RBPJ: variants seen among roughly 807,000 people sequenced by gnomAD.
RBPJ encodes recombination signal binding protein for immunoglobulin kappa J region, also known as recombining binding protein suppressor of hairless.
A neutral mutation model predicts 67.8 loss-of-function variants in RBPJ; 9 were observed. The ratio of observed to expected loss-of-function variants is 0.13; its 90% CI spans 0.08 to 0.23. RBPJ has a LOEUF of 0.23. Among genes scored for constraint, RBPJ ranks in the 10% least tolerant of loss-of-function variants. The pLI is 1.00. For synonymous variants in RBPJ, 198 were observed against 203.3 expected (o/e 0.97, Z 0.22); for missense variants, 305 against 595.6 (o/e 0.51, Z 5.08).
At chr4:26,419,259 A>G (rs1448262877) in intron 4 of RBPJ, among the ~76,000 whole-genome samples, 2 of 152,212 alleles carry the variant, frequency 1.3e-5, no homozygotes, top group South Asian at 2.1e-4. Context: ...GATTACAGGC[A>G]TGAGCCACCA....
At chr4:26,392,648 T>A (rs1053859956) in intron 2 of RBPJ, among the ~76,000 whole-genome samples, 3 of 152,200 alleles carry the variant, frequency 2.0e-5, no homozygotes, top group African/African-American at 7.2e-5. Flanking sequence ...AGATCAGTGG[T>A]TTCCTGGGGA....
intron 1 of RBPJ, among the ~76,000 whole-genome samples, chr4:26,359,278 C>T (rs912652171): frequency 1.4e-4 from 22 of 151,926 alleles, no homozygotes; most frequent in Admixed American, 1.3e-3. Flanking sequence ...AACATATTAC[C>T]ATGTTATTTC....
chr4:26,221,775 G>A (rs1271954177), intron 1 of RBPJ, among the ~76,000 whole-genome samples: 4 of 152,148 alleles, frequency 2.6e-5, no homozygotes, highest in Non-Finnish European at 5.9e-5. Context: ...ACAATAATCC[G>A]TTGTACATTT....
At chr4:26,223,723 C>T (rs1317779126) in intron 1 of RBPJ, among the ~76,000 whole-genome samples, 1 of 152,192 alleles carries the variant, frequency 6.6e-6, no homozygotes, top group Non-Finnish European at 1.5e-5. Flanking sequence ...AGGTGAGTGA[C>T]AGAAGCACAG....
At chr4:26,305,477 A>C (rs1722202971) in intron 1 of RBPJ, among the ~76,000 whole-genome samples, 1 of 152,162 alleles carries the variant, frequency 6.6e-6, no homozygotes, top group African/African-American at 2.4e-5. Flanking sequence ...CCATTTATTT[A>C]GATCCTTTAA....
intron 1 of RBPJ, among the ~76,000 whole-genome samples, chr4:26,196,191 G>A (rs956564898): frequency 6.6e-6 from 1 of 152,188 alleles, no homozygotes; most frequent in Non-Finnish European, 1.5e-5. Flanking sequence ...ATGTCCATCA[G>A]CTGGTGTATG....
At chr4:26,196,176 C>A (rs1717755062) in intron 1 of RBPJ, among the ~76,000 whole-genome samples, 1 of 152,066 alleles carries the variant, frequency 6.6e-6, no homozygotes, top group Admixed American at 6.6e-5. Flanking sequence ...GTAGAGGGAG[C>A]CCAAATGTCC....
At chr4:26,164,406 G>A (rs1038911757) in intron 1 of RBPJ, among the ~76,000 whole-genome samples, 7 of 152,136 alleles carry the variant, frequency 4.6e-5, no homozygotes, top group African/African-American at 1.7e-4. Flanking sequence ...AACAATACAA[G>A]TGGTTTCTGA....
chr4:26,214,851 G>C (rs1430443820), intron 1 of RBPJ, among the ~76,000 whole-genome samples: 3 of 129,614 alleles, frequency 2.3e-5, no homozygotes, highest in Non-Finnish European at 3.2e-5. Flanking sequence ...AGGGAGGGAG[G>C]GAGAGAGGAA....
intron 1 of RBPJ, among the ~76,000 whole-genome samples, chr4:26,365,035 A>G (rs1354554581): frequency 6.6e-6 from 1 of 151,676 alleles, no homozygotes; most frequent in Non-Finnish European, 1.5e-5. Flanking sequence ...GACTTGAAGA[A>G]ACCCATAAAT....
the RBPJ span, among the ~76,000 whole-genome samples, chr4:26,126,629 G>A: frequency 6.6e-6 from 1 of 152,200 alleles, no homozygotes; most frequent in African/African-American, 2.4e-5. Context: ...TTGTTCTGCA[G>A]CCTTTCTTTG....
At chr4:26,323,844 A>G (rs548500827) in intron 1 of RBPJ, among the ~76,000 whole-genome samples, 43 of 152,310 alleles carry the variant, frequency 2.8e-4, no homozygotes, top group African/African-American at 1.0e-3. Flanking sequence ...GTTTCGTTTG[A>G]AAGTTATTAT....
intron 3 of RBPJ, among the ~76,000 whole-genome samples, chr4:26,412,556 T>A (rs1734143600): frequency 6.6e-6 from 1 of 152,152 alleles, no homozygotes; most frequent in South Asian, 2.1e-4. Context: ...TTTGGGATGT[T>A]CAACCACTAA....
intron 1 of RBPJ, among the ~76,000 whole-genome samples, chr4:26,334,323 T>A (rs969679497): frequency 6.6e-6 from 1 of 152,128 alleles, no homozygotes; most frequent in African/African-American, 2.4e-5. Flanking sequence ...ATTACAGGAA[T>A]GAGTCACCAT....
At chr4:26,167,748 A>C (rs1332256056) in intron 1 of RBPJ, among the ~76,000 whole-genome samples, 2 of 144,412 alleles carry the variant, frequency 1.4e-5, no homozygotes, top group Admixed American at 1.4e-4. Context: ...AACTTCCAAC[A>C]CTATGTTGAA....
chr4:26,403,106 A>G (rs1231233631), intron 2 of RBPJ, among the ~76,000 whole-genome samples: 1 of 152,158 alleles, frequency 6.6e-6, no homozygotes, highest in Non-Finnish European at 1.5e-5. Flanking sequence ...ATTTTTAAAA[A>G]ACCTTAATGA....
chr4:26,242,290 A>C (rs1395659582), intron 1 of RBPJ, among the ~76,000 whole-genome samples: 4 of 152,050 alleles, frequency 2.6e-5, no homozygotes, highest in African/African-American at 9.7e-5. Context: ...TACTAAAAAT[A>C]CAAACAAATT....
In RBPJ at chr4:26,424,535, G is replaced by T. The variant is rs1455037834; in HGVS notation, c.634+56G>T. On this transcript the variant is annotated intron_variant, in intron 6 of 10. Transcript: ENST00000355476. The surrounding 1 kb of genome is among the most constrained non-coding windows in gnomAD (Gnocchi z 5.3). ...TAGTGTGAAATTGTTAAAATCTTTTGATGAGATACATGGATATATTAAGTT... is the reference window on the plus strand; with the variant it reads ...TAGTGTGAAATTGTTAAAATCTTTTTATGAGATACATGGATATATTAAGTT... 3.8e-6 allele frequency: 6 copies of T among 1,581,774 alleles called. No individual in the cohort carries two copies. Among genetic ancestry groups the T allele is most frequent in the Non-Finnish European group, 5.2e-6 (6 of 1,153,794 alleles).
chr4:26,193,602 C>T lies in RBPJ; in HGVS notation c.-167+29988C>T, dbSNP rs569838043. ...TCCAGAACACTGGCATCACCATAAT[C>T]GCTAGTATAATAAATCATGGAACTA... On this transcript the variant is annotated intron_variant, in intron 1 of 4. Coordinates refer to the RBPJ transcript ENST00000512351. Among the ~76,000 whole-genome samples, 148 of 152,240 alleles carry T rather than the reference C, an allele frequency of 9.7e-4. 1 individual carries two copies. The highest frequency in any genetic ancestry group is 3.4e-3 in the African/African-American group (140 of 41,538).
Sources: gnomAD v4.1 joint callset for allele counts (sites outside exome capture counted in the v4.1 genomes callset) on GRCh38, gnomAD v4.1.1 for gene constraint, Gnocchi (gnomAD v3.1) non-coding constraint, MANE v1.5 for transcripts, NCBI Gene and HGNC (gene_info 2026-07-23, HGNC 2026-07-21) for gene names.